AFF1: variants seen among roughly 807,000 people sequenced by gnomAD.
The protein encoded by AFF1 is AF4/FMR2 family member 1.
In AFF1, 48 loss-of-function variants were observed where a neutral mutation model predicts 121.7. The ratio of observed to expected loss-of-function variants is 0.39; its 90% confidence interval spans 0.31 to 0.50. The LOEUF is 0.50. AFF1 is among the 20% of genes least tolerant of loss of function. AFF1 has a pLI of 0.76. For missense variants in AFF1, 1,523 were observed against 1,511.7 expected (o/e 1.01, Z -0.12); for synonymous variants, 613 against 563.0 (o/e 1.09, Z -1.26).
intron 1 of AFF1, among the ~76,000 whole-genome samples, chr4:86,942,175 GA>G (rs1720513138): frequency 6.6e-6 from 1 of 152,084 alleles, no homozygotes; most frequent in Non-Finnish European, 1.5e-5. Context: ...GGTTTACTTT[GA>G]ATAAATGGCA....
chr4:87,024,668 G>A (rs1728350655), intron 2 of AFF1, among the ~76,000 whole-genome samples: 1 of 152,094 alleles, frequency 6.6e-6, no homozygotes, highest in Non-Finnish European at 1.5e-5. Flanking sequence ...TCTGTTCACT[G>A]CAACCTCTGC....
rs1306014301 is a variant in AFF1, at chr4:87,137,713, T to TC, written c.*2014dup. The TC allele has an allele frequency of 2.1e-5, 5 of 232,604 alleles. No homozygotes were observed. Among genetic ancestry groups the TC allele is most frequent in the Non-Finnish European group, 3.4e-5 (4 of 117,700 alleles). The allele number at this position is 232,604 out of a possible 1,614,324, so 14.4% of individuals were successfully genotyped here. On this transcript the variant is annotated 3_prime_UTR_variant, in exon 21 of 21. Coordinates refer to ENST00000395146, the MANE Select transcript of AFF1 (RefSeq NM_001166693.3). Reference sequence around the variant, plus strand: ...TTTGGTGTGTGTGTAGCATTGTGTGTCCATCTGTTATATGTAAAGGACAAG... The same window carrying TC: ...TTTGGTGTGTGTGTAGCATTGTGTGTCCCATCTGTTATATGTAAAGGACAAG...
At chr4:87,018,586 G>T (rs943276593) in intron 2 of AFF1, among the ~76,000 whole-genome samples, 1 of 152,206 alleles carries the variant, frequency 6.6e-6, no homozygotes, top group African/African-American at 2.4e-5. Context: ...CACCATCATG[G>T]CTCACTGCAA....
intron 12 of AFF1, among the ~76,000 whole-genome samples, chr4:87,117,483 C>T (rs1325314285): frequency 6.6e-6 from 1 of 152,100 alleles, no homozygotes; most frequent in Non-Finnish European, 1.5e-5. Flanking sequence ...GACGGGAATC[C>T]CCAACCCCCA....
rs1198760084 is a variant in AFF1, at chr4:86,935,070, C to G, written c.-207C>G. 3 of 152,012 alleles carry G rather than the reference C, an allele frequency of 2.0e-5. No homozygotes were observed. The highest frequency in any genetic ancestry group is 7.2e-5 in the African/African-American group (3 of 41,426). 9.4% of individuals were successfully genotyped at this position (152,012 alleles called of 1,614,324 possible). On this transcript the variant is annotated 5_prime_UTR_variant, in exon 1 of 21. Coordinates refer to ENST00000395146, the MANE Select transcript of AFF1 (RefSeq NM_001166693.3). ...TGCGCACTCGGCCGCCGCCTGCGCGCGTTGCGGCCGCAGCTGCACCTTTGC... is the reference window on the plus strand; with the variant it reads ...TGCGCACTCGGCCGCCGCCTGCGCGGGTTGCGGCCGCAGCTGCACCTTTGC...
chr4:87,132,449 C>A lies in AFF1; in HGVS notation c.3311+41C>A, dbSNP rs1291624957. 1.9e-6 allele frequency: 3 copies of A among 1,551,204 alleles called. No homozygotes were observed. The African/African-American group carries it at 4.2e-5, about 22-fold the overall frequency. Reference sequence around the variant, plus strand: ...ATATAAATAATTTCCAGAATTGAGTCATTTCTTTATTTACTTCTTGCTTTT... The same window carrying A: ...ATATAAATAATTTCCAGAATTGAGTAATTTCTTTATTTACTTCTTGCTTTT... On this transcript the variant is annotated intron_variant, in intron 19 of 20. Coordinates refer to ENST00000395146, the MANE Select transcript of AFF1 (RefSeq NM_001166693.3).
At chr4:87,017,965 TG>T (rs1396972206) in intron 2 of AFF1, among the ~76,000 whole-genome samples, 1 of 151,300 alleles carries the variant, frequency 6.6e-6, no homozygotes. Flanking sequence ...TGTGAGGCTC[TG>T]GCTAGAAGAT....
In AFF1 at chr4:87,061,519, T is replaced by C. The variant is rs1033538443; in HGVS notation, c.1059+13925T>C. On this transcript the variant is annotated intron_variant, in intron 4 of 20. Transcript: ENST00000395146. ...GCCCACAGAGCGTCAGAGACTGTTA[T>C]ATTAATTTAGTTGCCAACATCTAAA... 3.3e-5 allele frequency among the ~76,000 whole-genome samples: 5 copies of C among 152,228 alleles called. No individual in the cohort carries two copies. The East Asian group carries it at 5.8e-4, about 18-fold the overall frequency.
At chr4:87,073,630 A>C (rs1722357172) in intron 4 of AFF1, among the ~76,000 whole-genome samples, 1 of 152,188 alleles carries the variant, frequency 6.6e-6, no homozygotes. Context: ...TTTCAGACAA[A>C]GCGTGGATTA....
chr4:87,125,170 A>T, intron 13 of AFF1, 27 bp downstream of exon 13: 1 of 1,560,488 alleles, frequency 6.4e-7, no homozygotes. Flanking sequence ...GCAACCACCT[A>T]ATCTACGGTG....
At chr4:86,943,822 C>T (rs950680848) in intron 1 of AFF1, among the ~76,000 whole-genome samples, 1 of 151,780 alleles carries the variant, frequency 6.6e-6, no homozygotes, top group Non-Finnish European at 1.5e-5. Context: ...ATTAGCCAGG[C>T]GTGGTGGTGC....
intron 2 of AFF1, among the ~76,000 whole-genome samples, chr4:86,996,922 A>AT (rs930247396): frequency 6.6e-6 from 1 of 151,802 alleles, no homozygotes; most frequent in East Asian, 1.9e-4. Flanking sequence ...ATTTAATTTT[A>AT]TTTTTTTGAG....
chr4:86,937,794 T>TGG (rs11323149), intron 1 of AFF1, among the ~76,000 whole-genome samples: 2 of 133,722 alleles, frequency 1.5e-5, no homozygotes, highest in African/African-American at 5.8e-5. Context: ...GGGGTGGGGG[T>TGG]GGGGGGCTCC....
At chr4:87,069,393 CCT>C (rs1380899035) in intron 4 of AFF1, among the ~76,000 whole-genome samples, 1 of 148,030 alleles carries the variant, frequency 6.8e-6, no homozygotes, top group East Asian at 2.0e-4. Context: ...GTCCCCATCT[CCT>C]CTCTTTTCTG....
chr4:86,953,673 C>CTGAAAAA (rs1721536448), intron 2 of AFF1, among the ~76,000 whole-genome samples: 1 of 152,028 alleles, frequency 6.6e-6, no homozygotes, highest in African/African-American at 2.4e-5. Context: ...GTCTAACAGA[C>CTGAAAAA]TGAAAAAGGC....
chr4:86,949,565 G>A (rs1721143844), intron 2 of AFF1: 2 of 847,476 alleles, frequency 2.4e-6, no homozygotes, highest in East Asian at 6.1e-5. Context: ...TTCCCGACTG[G>A]GGCAGGCGGG....
intron 2 of AFF1, among the ~76,000 whole-genome samples, chr4:86,978,471 C>A (rs1459990373): frequency 6.6e-6 from 1 of 151,962 alleles, no homozygotes; most frequent in Admixed American, 6.6e-5. Context: ...TGTGAGCCAC[C>A]ATGCCCGGCC....
In AFF1 at chr4:87,137,335, A is replaced by G. The variant is rs1185741018; in HGVS notation, c.*1634A>G. On this transcript the variant is annotated 3_prime_UTR_variant, in exon 21 of 21. Transcript: ENST00000395146. ...ATATTTATTTATAATGAAGACATCT[A>G]AGATCCCTATGATGAATGCAGGAAC... The G allele has an allele frequency of 4.4e-6, 1 of 228,042 alleles. No individual in the cohort carries two copies. The highest frequency in any genetic ancestry group is 8.7e-6 in the Non-Finnish European group (1 of 114,532). The allele number at this position is 228,042 out of a possible 1,614,324, so 14.1% of individuals were successfully genotyped here.
intron 2 of AFF1, chr4:86,950,223 G>A (rs1038373752): frequency 1.1e-4 from 116 of 1,046,054 alleles, no homozygotes; most frequent in African/African-American, 8.7e-4. Flanking sequence ...TTGTTGCCCC[G>A]GCTGGAGTGC....
Sources: allele counts gnomAD v4.1 joint callset (sites outside exome capture counted in the v4.1 genomes callset), GRCh38; gene constraint gnomAD v4.1.1; transcripts MANE v1.5; gene names NCBI Gene and HGNC (gene_info 2026-07-23, HGNC 2026-07-21).